The following GLIS1 variants were observed in gnomAD, a reference collection of about 807,000 sequenced individuals.
GLIS1 encodes the protein GLIS family zinc finger 1.
A neutral mutation model predicts 63.8 loss-of-function variants in GLIS1; 24 were observed. The ratio of observed to expected loss-of-function variants is 0.38; its 90% CI spans 0.27 to 0.53. The LOEUF is 0.53. GLIS1 is among the 20% of genes least tolerant of loss of function. The probability of loss-of-function intolerance (pLI) is 0.85; values close to 1 mark genes in which losing one functional copy is unlikely to be tolerated. For synonymous variants in GLIS1, 450 were observed against 482.5 expected, an observed-to-expected ratio of 0.93 and a Z score of 0.88; for missense variants, 1,036 against 1,074.1, an observed-to-expected ratio of 0.96 and a Z score of 0.50.
chr1:53,723,888 C>CTG (rs1291265319), intron 2 of GLIS1, among the ~76,000 whole-genome samples: 6 of 152,192 alleles, frequency 3.9e-5, no homozygotes, highest in Non-Finnish European at 8.8e-5. Flanking sequence ...TTCTGCCATT[C>CTG]CCGTTTAAGC....
intron 2 of GLIS1, among the ~76,000 whole-genome samples, chr1:53,604,519 C>T (rs1471520777): frequency 6.6e-6 from 1 of 152,224 alleles, no homozygotes; most frequent in Non-Finnish European, 1.5e-5. Flanking sequence ...CAGAGGCTGC[C>T]TCCTTGCAGT....
intron 2 of GLIS1, among the ~76,000 whole-genome samples, chr1:53,679,391 G>C (rs1422399430): frequency 2.0e-5 from 3 of 152,258 alleles, no homozygotes; most frequent in South Asian, 4.1e-4. Context: ...TTGGGTTTCA[G>C]ATGAAAGTAG....
At chr1:53,606,582 CCCT>C (rs1197913370) in intron 2 of GLIS1, among the ~76,000 whole-genome samples, 4 of 152,206 alleles carry the variant, frequency 2.6e-5, no homozygotes, top group African/African-American at 9.6e-5. Context: ...CCTCGTCACT[CCCT>C]CTTTTCCCTC....
intron 2 of GLIS1, among the ~76,000 whole-genome samples, chr1:53,641,308 G>A (rs1645784700): frequency 6.6e-6 from 1 of 152,144 alleles, no homozygotes; most frequent in East Asian, 1.9e-4. Flanking sequence ...TGCCTCATAG[G>A]GTTGTCCTAG....
At chr1:53,527,237 G>T (rs982955212) in intron 5 of GLIS1, among the ~76,000 whole-genome samples, 2 of 152,242 alleles carry the variant, frequency 1.3e-5, no homozygotes, top group Non-Finnish European at 2.9e-5. Flanking sequence ...AGTGGGCAGG[G>T]GAGAGAGAAT....
At chr1:53,603,223 C>G (rs1433880436) in intron 2 of GLIS1, among the ~76,000 whole-genome samples, 1 of 152,174 alleles carries the variant, frequency 6.6e-6, no homozygotes, top group African/African-American at 2.4e-5. Context: ...CCACTTAGTG[C>G]TCTAGGCTCA....
At chr1:53,604,048 C>CGT (rs1217027878) in intron 2 of GLIS1, among the ~76,000 whole-genome samples, 3 of 152,188 alleles carry the variant, frequency 2.0e-5, no homozygotes, top group African/African-American at 7.2e-5. Flanking sequence ...TAAAATGGTG[C>CGT]TAACACCTAA....
intron 2 of GLIS1, among the ~76,000 whole-genome samples, chr1:53,644,986 T>C (rs983163157): frequency 6.6e-6 from 1 of 152,248 alleles, no homozygotes; most frequent in African/African-American, 2.4e-5. Context: ...TTAATCTGAA[T>C]TGATCACTAT....
At chr1:53,540,226 G>A (rs985999161) in intron 4 of GLIS1, among the ~76,000 whole-genome samples, 2 of 152,174 alleles carry the variant, frequency 1.3e-5, no homozygotes, top group African/African-American at 4.8e-5. Flanking sequence ...ACAGCCAAGC[G>A]GAGAGGAGCA....
rs138593437 is a variant in GLIS1 at position 53,686,920 on chromosome 1, A to C, written c.259+50886T>G. 8.3e-3 allele frequency among the ~76,000 whole-genome samples: 1,262 copies of C among 152,282 alleles called. 9 individuals are homozygous for C. The highest frequency in any genetic ancestry group is 0.02 in the Middle Eastern group (6 of 294). On this transcript the variant is annotated intron_variant, in intron 2 of 10. Coordinates refer to ENST00000628545, the MANE Select transcript of GLIS1 (RefSeq NM_001367484.1). Reference sequence around the variant, plus strand: ...TGTGGCCTGCAGGATCACCGTGTCCATCACCTAACTGAACTTCCTGACAGT... The same window carrying C: ...TGTGGCCTGCAGGATCACCGTGTCCCTCACCTAACTGAACTTCCTGACAGT...
chr1:53,658,048 C>T (rs982929786), intron 2 of GLIS1, among the ~76,000 whole-genome samples: 3 of 152,058 alleles, frequency 2.0e-5, no homozygotes, highest in African/African-American at 4.8e-5. Context: ...CTCCAGCCAC[C>T]GCACCCACCA....
chr1:53,635,464 G>GA (rs1220361120), intron 2 of GLIS1, among the ~76,000 whole-genome samples: 2 of 151,192 alleles, frequency 1.3e-5, no homozygotes, highest in Non-Finnish European at 2.9e-5. Flanking sequence ...TATTCCCTAA[G>GA]AAAAAATTTA....
intron 6 of GLIS1, among the ~76,000 whole-genome samples, chr1:53,522,347 G>A (rs1417348239): frequency 1.3e-5 from 2 of 152,172 alleles, no homozygotes; most frequent in African/African-American, 2.4e-5. Context: ...CCAAGTCCCC[G>A]GGGGCTCAGT....
At chr1:53,530,043 C>T in intron 4 of GLIS1, 91 bp from the exon 5 acceptor site, 3 of 1,210,754 alleles carry the variant, frequency 2.5e-6, no homozygotes, top group Non-Finnish European at 3.4e-6. Flanking sequence ...CTGGCCCCAG[C>T]ACCCCTGCCC....
chr1:53,660,258 A>C (rs993984674), intron 2 of GLIS1, among the ~76,000 whole-genome samples: 5 of 151,812 alleles, frequency 3.3e-5, no homozygotes, highest in Non-Finnish European at 7.4e-5. Flanking sequence ...TTTCACCCCC[A>C]CCTCCACCCA....
chr1:53,716,125 GGGGAGGCAAGGCTTGGAGAGTA>G (rs1646695990), intron 2 of GLIS1, among the ~76,000 whole-genome samples: 1 of 152,176 alleles, frequency 6.6e-6, no homozygotes. Context: ...CCACAGAGGA[GGGGAGGCAAGGCTTGGAGAGTA>G]CTCGCCAGAG....
chr1:53,707,644 C>T (rs929274794), intron 2 of GLIS1, among the ~76,000 whole-genome samples: 21 of 148,486 alleles, frequency 1.4e-4, no homozygotes, highest in African/African-American at 4.0e-4. Flanking sequence ...AGTGAGACTC[C>T]GTCTCAAAAA....
At chr1:53,527,160 G>C (rs1644478872) in intron 5 of GLIS1, among the ~76,000 whole-genome samples, 1 of 152,260 alleles carries the variant, frequency 6.6e-6, no homozygotes, top group African/African-American at 2.4e-5. Context: ...GCGGGGAGAG[G>C]GAGGGAGCGT....
chr1:53,633,457 T>A (rs1645691132), intron 2 of GLIS1, among the ~76,000 whole-genome samples: 1 of 140,260 alleles, frequency 7.1e-6, no homozygotes. Context: ...GACTGAGGGG[T>A]GTGAATGAGT....
Sources: allele counts gnomAD v4.1 joint callset (sites outside exome capture counted in the v4.1 genomes callset), GRCh38; gene constraint gnomAD v4.1.1; transcripts MANE v1.5; gene names NCBI Gene and HGNC (gene_info 2026-07-23, HGNC 2026-07-21).